The following PRKCE variants were observed in gnomAD, a reference collection of about 807,000 sequenced individuals.
PRKCE encodes the protein protein kinase C epsilon type.
Under a neutral mutation model 85.4 loss-of-function variants are expected in PRKCE, and 16 were observed. The ratio of observed to expected loss-of-function variants is 0.19; its 90% CI spans 0.13 to 0.28. The LOEUF is 0.28. PRKCE is among the 10% of genes least tolerant of loss of function. The pLI, the probability that PRKCE is intolerant of heterozygous loss-of-function variation, is 1.00. For missense variants in PRKCE, 573 were observed against 975.2 expected (o/e 0.59, Z 5.49); for synonymous variants, 388 against 371.5 (o/e 1.04, Z -0.51).
chr2:45,661,523 G>GTTTTTTTTTT (rs367628974), intron 1 of PRKCE, among the ~76,000 whole-genome samples: 10 of 96,664 alleles, frequency 1.0e-4, no homozygotes, highest in East Asian at 3.0e-4. Context: ...TTTGTTTTTT[G>GTTTTTTTTTT]TTTTTTGTTT....
intron 2 of PRKCE, among the ~76,000 whole-genome samples, chr2:45,878,403 T>C (rs1379718186): frequency 1.3e-5 from 2 of 152,232 alleles, no homozygotes; most frequent in African/African-American, 4.8e-5. Flanking sequence ...TCCAGTCTAC[T>C]CTTATCCTGA....
intron 6 of PRKCE, among the ~76,000 whole-genome samples, chr2:45,996,429 T>A (rs1222160191): frequency 6.6e-6 from 1 of 152,166 alleles, no homozygotes; most frequent in African/African-American, 2.4e-5. Context: ...GGGAGCATCC[T>A]TTTTGTGTTC....
intron 1 of PRKCE, among the ~76,000 whole-genome samples, chr2:45,775,656 A>G (rs1472481427): frequency 1.3e-5 from 2 of 152,136 alleles, no homozygotes; most frequent in Non-Finnish European, 2.9e-5. Flanking sequence ...GCCTTCTCCT[A>G]CCAGGGAACT....
At position 46,068,718 on chromosome 2, in the gene PRKCE, G is replaced by C. The variant is rs1284888490; in HGVS notation, c.1438-17490G>C. ...GCATCACCAATGAGCAGGAGGATAG[G>C]AAATGCCTGGCATGTAGACGGGAGA... On this transcript the variant is annotated intron_variant, in intron 10 of 14. Transcript: ENST00000306156. The surrounding 1 kb of genome is among the most constrained non-coding windows in gnomAD (Gnocchi z 4.3). Among the ~76,000 whole-genome samples the C allele has an allele frequency of 6.6e-6, 1 of 152,212 alleles. No homozygotes were observed. Among genetic ancestry groups the C allele is most frequent in the African/African-American group, 2.4e-5 (1 of 41,450 alleles).
intron 1 of PRKCE, among the ~76,000 whole-genome samples, chr2:45,764,118 T>C (rs1289154749): frequency 6.6e-6 from 1 of 152,198 alleles, no homozygotes; most frequent in African/African-American, 2.4e-5. Flanking sequence ...GTTCTTGTTA[T>C]CAGTGTATCT....
intron 1 of PRKCE, among the ~76,000 whole-genome samples, chr2:45,663,778 G>A (rs1025620474): frequency 5.3e-5 from 8 of 150,726 alleles, no homozygotes; most frequent in Admixed American, 2.6e-4. Flanking sequence ...GCGAGACTCC[G>A]TCTCAAAAAA....
intron 1 of PRKCE, among the ~76,000 whole-genome samples, chr2:45,841,968 T>A (rs1691388564): frequency 6.6e-6 from 1 of 152,224 alleles, no homozygotes; most frequent in South Asian, 2.1e-4. Flanking sequence ...GGAGAGAGCC[T>A]GGCACTATGA....
intron 2 of PRKCE, among the ~76,000 whole-genome samples, chr2:45,946,694 G>A (rs1012031572): frequency 2.0e-5 from 3 of 152,190 alleles, no homozygotes; most frequent in African/African-American, 7.2e-5. Flanking sequence ...ACCAGGTTGT[G>A]ATAAAGGTAC....
intron 14 of PRKCE, among the ~76,000 whole-genome samples, chr2:46,179,256 G>C (rs866330837): frequency 6.6e-6 from 1 of 152,156 alleles, no homozygotes; most frequent in African/African-American, 2.4e-5. Context: ...TGGCTCCTCC[G>C]AAAGCTCAAG....
At chr2:45,965,585 A>G (rs1701679799) in intron 2 of PRKCE, among the ~76,000 whole-genome samples, 1 of 152,240 alleles carries the variant, frequency 6.6e-6, no homozygotes, top group South Asian at 2.1e-4. Flanking sequence ...TTGCTTTGTT[A>G]GCAGAGACCT....
intron 1 of PRKCE, among the ~76,000 whole-genome samples, chr2:45,814,187 C>G (rs1231916525): frequency 6.6e-6 from 1 of 152,180 alleles, no homozygotes; most frequent in Non-Finnish European, 1.5e-5. Context: ...CAAAGTGTGA[C>G]TTTGGTGCCA....
chr2:46,098,183 A>T (rs1185955284), intron 11 of PRKCE, among the ~76,000 whole-genome samples: 1 of 152,168 alleles, frequency 6.6e-6, no homozygotes, highest in Non-Finnish European at 1.5e-5. Flanking sequence ...CTGAGAACCC[A>T]TTATAGTGGT....
intron 2 of PRKCE, among the ~76,000 whole-genome samples, chr2:45,846,604 G>T (rs1480310974): frequency 6.6e-6 from 1 of 152,224 alleles, no homozygotes; most frequent in East Asian, 1.9e-4. Context: ...TGTGGAAGCA[G>T]AAGAGCAGGG....
At chr2:45,916,599 A>G (rs1054015092) in intron 2 of PRKCE, among the ~76,000 whole-genome samples, 1 of 152,192 alleles carries the variant, frequency 6.6e-6, no homozygotes, top group Non-Finnish European at 1.5e-5. Context: ...TATTTGAGCA[A>G]TTTTGACATC....
intron 10 of PRKCE, among the ~76,000 whole-genome samples, chr2:46,047,115 C>T (rs1708573243): frequency 6.6e-6 from 1 of 152,186 alleles, no homozygotes; most frequent in Admixed American, 6.5e-5. Context: ...CATCTTGTTC[C>T]TGGAGACCCA....
intron 1 of PRKCE, among the ~76,000 whole-genome samples, chr2:45,727,266 G>T (rs1290933296): frequency 2.0e-5 from 3 of 152,166 alleles, no homozygotes; most frequent in Non-Finnish European, 4.4e-5. Flanking sequence ...CCAAATACAT[G>T]GTGATAAGGG....
intron 11 of PRKCE, among the ~76,000 whole-genome samples, chr2:46,114,960 A>G (rs11674504): frequency 0.41 from 61,573 of 152,024 alleles, 14,108 homozygotes; most frequent in East Asian, 0.53. Flanking sequence ...TGTATTCTAG[A>G]AGGTCCCAGG....
chr2:45,914,060 C>T (rs1697574138), intron 2 of PRKCE, among the ~76,000 whole-genome samples: 1 of 152,200 alleles, frequency 6.6e-6, no homozygotes, highest in South Asian at 2.1e-4. Context: ...GTCAAGAGCT[C>T]TTAGCAGATA....
chr2:45,996,284 A>G (rs1366967568), intron 6 of PRKCE, among the ~76,000 whole-genome samples: 1 of 152,194 alleles, frequency 6.6e-6, no homozygotes, highest in Admixed American at 6.5e-5. Flanking sequence ...TACATGGACA[A>G]TCATATCATC....
Sources: allele counts gnomAD v4.1 joint callset (sites outside exome capture counted in the v4.1 genomes callset), GRCh38; gene constraint gnomAD v4.1.1; non-coding constraint Gnocchi (gnomAD v3.1); transcripts MANE v1.5; gene names NCBI Gene and HGNC (gene_info 2026-07-23, HGNC 2026-07-21).